Variants in ENTREP1 observed in about 807,000 individuals in gnomAD.
ENTREP1 encodes the protein endosomal transmembrane epsin interactor 1.
chr9:69,371,416 A>C, the ENTREP1 span: 1 of 945,484 alleles, frequency 1.1e-6, no homozygotes, highest in Non-Finnish European at 1.8e-6. Context: ...TTGGAAGGGA[A>C]TATGAGTTTT....
the ENTREP1 span, among the ~76,000 whole-genome samples, chr9:69,335,511 G>A: frequency 6.6e-6 from 1 of 152,168 alleles, no homozygotes; most frequent in Non-Finnish European, 1.5e-5. Context: ...CTGAGGGAGG[G>A]CAGGTACTTG....
chr9:69,391,643 C>A, the ENTREP1 span: 8 of 1,614,190 alleles, frequency 5.0e-6, no homozygotes, highest in East Asian at 1.8e-4. Flanking sequence ...GGCCCACAAG[C>A]TGCCCTCGCG....
the ENTREP1 span, among the ~76,000 whole-genome samples, chr9:69,369,609 T>TTTTTTTTTTA: frequency 6.6e-6 from 1 of 151,612 alleles, no homozygotes. Flanking sequence ...TTTTTTTTTA[T>TTTTTTTTTTA]CATATGACAC....
chr9:69,333,128 A>G, the ENTREP1 span, among the ~76,000 whole-genome samples: 1 of 151,580 alleles, frequency 6.6e-6, no homozygotes, highest in Admixed American at 6.6e-5. Flanking sequence ...ACACATAGAC[A>G]TGTGTGTGTA....
At chr9:69,387,524 A>G in the ENTREP1 span, 1 of 191,496 alleles carries the variant, frequency 5.2e-6, no homozygotes, top group African/African-American at 2.4e-5. Context: ...TAGAGCCTGC[A>G]GTGGATTTCC....
At chr9:69,389,462 G>A in the ENTREP1 span, among the ~76,000 whole-genome samples, 1 of 152,190 alleles carries the variant, frequency 6.6e-6, no homozygotes, top group South Asian at 2.1e-4. Flanking sequence ...TCAGCGGGGA[G>A]GAATGATCTG....
chr9:69,374,673 G>A, the ENTREP1 span, among the ~76,000 whole-genome samples: 2 of 152,134 alleles, frequency 1.3e-5, no homozygotes, highest in Admixed American at 1.3e-4. Flanking sequence ...AAATTCAAAT[G>A]TACAGGCAGG....
the ENTREP1 span, chr9:69,383,638 G>C: frequency 6.2e-7 from 1 of 1,614,082 alleles, no homozygotes; most frequent in East Asian, 2.2e-5. Flanking sequence ...AGGATGGTTG[G>C]TCCTGATGTT....
At chr9:69,346,158 T>A in the ENTREP1 span, among the ~76,000 whole-genome samples, 2 of 151,662 alleles carry the variant, frequency 1.3e-5, no homozygotes, top group Admixed American at 1.3e-4. Flanking sequence ...AATTTATATA[T>A]TTTTAGTAGA....
At chr9:69,363,060 A>G in the ENTREP1 span, among the ~76,000 whole-genome samples, 11 of 152,182 alleles carry the variant, frequency 7.2e-5, no homozygotes, top group African/African-American at 2.4e-4. Context: ...AGTGCCTATG[A>G]GAGCACTAGC....
At chr9:69,329,945 AT>A in the ENTREP1 span, among the ~76,000 whole-genome samples, 17 of 130,828 alleles carry the variant, frequency 1.3e-4, no homozygotes, top group African/African-American at 4.4e-4. Flanking sequence ...GTTTAATTAG[AT>A]TCCACTGGGG....
At chr9:69,375,985 C>A in the ENTREP1 span, 2 of 1,010,222 alleles carry the variant, frequency 2.0e-6, no homozygotes, top group Non-Finnish European at 2.9e-6. Flanking sequence ...GCTGAAAGCG[C>A]ATGTGAGTGA....
At chr9:69,385,967 T>A in the ENTREP1 span, 6 of 1,593,946 alleles carry the variant, frequency 3.8e-6, 1 homozygote, top group South Asian at 6.9e-5. Context: ...TTCCCCAAGC[T>A]CTTCGCAGGG....
the ENTREP1 span, chr9:69,371,340 T>C: frequency 6.9e-6 from 5 of 722,084 alleles, no homozygotes; most frequent in Admixed American, 1.0e-4. Flanking sequence ...TTAAGAAGTC[T>C]AAAATGTGAA....
chr9:69,336,955 C>T, the ENTREP1 span, among the ~76,000 whole-genome samples: 5 of 149,318 alleles, frequency 3.3e-5, no homozygotes, highest in African/African-American at 1.2e-4. Context: ...GCCTTGGCCT[C>T]CCAAAGTGCT....
the ENTREP1 span, among the ~76,000 whole-genome samples, chr9:69,353,616 A>G: frequency 6.6e-6 from 1 of 152,188 alleles, no homozygotes; most frequent in African/African-American, 2.4e-5. Flanking sequence ...CCTATGTTTA[A>G]ATTTCCCCAC....
chr9:69,387,609 A>T, the ENTREP1 span: 1 of 225,254 alleles, frequency 4.4e-6, no homozygotes, highest in African/African-American at 2.3e-5. Flanking sequence ...ATAGCTATAG[A>T]TCTACCTCAT....
chr9:69,339,659 T>G, the ENTREP1 span, among the ~76,000 whole-genome samples: 112 of 152,302 alleles, frequency 7.4e-4, no homozygotes, highest in African/African-American at 2.5e-3. Flanking sequence ...GAGGACCCCA[T>G]GGGTCTGTGT....
the ENTREP1 span, among the ~76,000 whole-genome samples, chr9:69,363,731 T>A: frequency 6.6e-6 from 1 of 152,214 alleles, no homozygotes; most frequent in Non-Finnish European, 1.5e-5. Context: ...CCCTGTGGTC[T>A]TCTTTCCGTC....
Sources: gnomAD v4.1 joint callset for allele counts (sites outside exome capture counted in the v4.1 genomes callset) on GRCh38, gnomAD v4.1.1 for gene constraint, MANE v1.5 for transcripts, NCBI Gene and HGNC (gene_info 2026-07-23, HGNC 2026-07-21) for gene names.